The following MRE11 variants were observed in gnomAD, a reference collection of about 807,000 sequenced individuals.
The protein encoded by MRE11 is double-strand break repair protein MRE11.
Under a neutral mutation model 91.7 loss-of-function variants are expected in MRE11, and 62 were observed. That is an observed-to-expected ratio of 0.68 (90% CI 0.55 to 0.84). The LOEUF (loss-of-function observed/expected upper bound fraction) is 0.84. Ranked by LOEUF, MRE11 falls within the 40% of genes least tolerant of loss-of-function variation. The pLI, the probability that MRE11 is intolerant of heterozygous loss-of-function variation, is 0.00. For missense variants in MRE11, 796 were observed against 852.9 expected (o/e 0.93, Z 0.83); for synonymous variants, 273 against 271.4 (o/e 1.01, Z -0.06).
chr11:94,432,087 A>T (rs1945476470), intron 18 of MRE11, among the ~76,000 whole-genome samples: 1 of 152,170 alleles, frequency 6.6e-6, no homozygotes, highest in Non-Finnish European at 1.5e-5. Flanking sequence ...GTATCCCGAT[A>T]ATCTTCCAAT....
At chr11:94,454,298 T>A (rs1946193224) in intron 14 of MRE11, among the ~76,000 whole-genome samples, 1 of 152,026 alleles carries the variant, frequency 6.6e-6, no homozygotes, top group African/African-American at 2.4e-5. Flanking sequence ...GGTCTCAAAC[T>A]CCTGAGCTCA....
chr11:94,427,709 A>G (rs1033213501), intron 19 of MRE11, among the ~76,000 whole-genome samples: 2 of 151,620 alleles, frequency 1.3e-5, no homozygotes, highest in Non-Finnish European at 3.0e-5. Flanking sequence ...AAAAAAAAAA[A>G]GTGTACAAAA....
chr11:94,484,360 T>G (rs1416744841), intron 4 of MRE11, among the ~76,000 whole-genome samples: 1 of 152,216 alleles, frequency 6.6e-6, no homozygotes, highest in East Asian at 1.9e-4. Context: ...TTATAACTGT[T>G]GTAGGTAAGA....
At chr11:94,463,168 A>G (rs1445447069) in intron 11 of MRE11, among the ~76,000 whole-genome samples, 1 of 152,256 alleles carries the variant, frequency 6.6e-6, no homozygotes, top group Non-Finnish European at 1.5e-5. Context: ...CAGCCAACAG[A>G]CACATGAAAA....
intron 19 of MRE11, among the ~76,000 whole-genome samples, chr11:94,425,433 T>A (rs767793294): frequency 1.3e-5 from 2 of 152,146 alleles, no homozygotes; most frequent in Non-Finnish European, 2.9e-5. Flanking sequence ...ATAAAGCAAC[T>A]ACATAATCAA....
chr11:94,460,986 T>A lies in MRE11; in HGVS notation c.1276A>T (p.Thr426Ser). The stretch of plus-strand genomic sequence containing the variant: ...TTTACAAGATCTTCTACCCTTAAAG[T>A]TGTTCCTTCTGAAGGCTTTGTGATA... ...KLITKPSEGTTLRVEDLVKQY... is the reference protein window; with the variant it reads ...KLITKPSEGTSLRVEDLVKQY... Residue 426 changes from threonine (T) to serine (S), a missense_variant, in exon 12 of 20, where the codon ACT becomes TCT. By Grantham distance (58) the Thr-to-Ser change is moderately conservative. Coordinates refer to ENST00000323929, the MANE Select transcript of MRE11 (RefSeq NM_005591.4). 2 of 1,613,840 alleles carry A rather than the reference T, an allele frequency of 1.2e-6. No individual in the cohort carries two copies. Among genetic ancestry groups the A allele is most frequent in the Non-Finnish European group, 1.7e-6 (2 of 1,179,972 alleles).
At chr11:94,421,414 T>C (rs2134740931) in intron 19 of MRE11, among the ~76,000 whole-genome samples, 1 of 152,312 alleles carries the variant, frequency 6.6e-6, no homozygotes, top group East Asian at 1.9e-4. Context: ...TCTGCTGCTA[T>C]CAAAGACAAA....
chr11:94,490,670 A>T (rs1947260952), intron 3 of MRE11, among the ~76,000 whole-genome samples, 163 bp downstream of exon 3: 1 of 152,272 alleles, frequency 6.6e-6, no homozygotes, highest in Non-Finnish European at 1.5e-5. Flanking sequence ...TGAATTTAAG[A>T]CACAAAGCAT....
chr11:94,421,913 G>A (rs550713964), intron 19 of MRE11, among the ~76,000 whole-genome samples: 1 of 152,284 alleles, frequency 6.6e-6, no homozygotes, highest in East Asian at 1.9e-4. Context: ...AGGGGAAACA[G>A]AGACTTGTTA....
intron 19 of MRE11, among the ~76,000 whole-genome samples, chr11:94,428,512 T>C (rs753431801): frequency 2.6e-5 from 4 of 152,112 alleles, no homozygotes; most frequent in Non-Finnish European, 5.9e-5. Context: ...CAAAAGCAAC[T>C]GCAAGAAAAA....
chr11:94,489,434 C>A (rs1319798544), intron 3 of MRE11, among the ~76,000 whole-genome samples: 2 of 152,010 alleles, frequency 1.3e-5, no homozygotes, highest in Non-Finnish European at 2.9e-5. Flanking sequence ...AATGGAAGGA[C>A]ACTTGGAAAA....
chr11:94,483,784 A>C (rs1390431962), intron 4 of MRE11: 2 of 152,718 alleles, frequency 1.3e-5, no homozygotes, highest in East Asian at 3.8e-4. Flanking sequence ...TTGAGGCTGC[A>C]GTGAGCTATG....
chr11:94,500,383 C>T, the MRE11 span, among the ~76,000 whole-genome samples: 1 of 152,200 alleles, frequency 6.6e-6, no homozygotes, highest in African/African-American at 2.4e-5. Flanking sequence ...CCCCTGAGGG[C>T]AGAATTTGTA....
chr11:94,481,542 T>A lies in MRE11; in HGVS notation c.315-1781A>T, dbSNP rs145046581. 6.6e-5 allele frequency among the ~76,000 whole-genome samples: 10 copies of A among 152,358 alleles called. No individual in the cohort carries two copies. The East Asian group carries it at 1.9e-3, about 29-fold the overall frequency. The stretch of plus-strand genomic sequence containing the variant: ...AAATTTATTTTTGCAAAGACAAATG[T>A]ATGAATCTTTTATGACTTCTGGGTC... On this transcript the variant is annotated intron_variant, in intron 4 of 19. Transcript: ENST00000323929.
rs186549477 is a variant in MRE11 at position 94,474,343 on chromosome 11, G to A, written c.659+1946C>T. On this transcript the variant is annotated intron_variant, in intron 7 of 19. Coordinates refer to ENST00000323929, the MANE Select transcript of MRE11 (RefSeq NM_005591.4). ...TGGGAAGACATTGAAAGGACACAGA[G>A]GCCAACATAAAAGAGAATGCAATGG... 1.8e-3 allele frequency among the ~76,000 whole-genome samples: 281 copies of A among 152,156 alleles called. 1 individual carries two copies. Among genetic ancestry groups the A allele is most frequent in the African/African-American group, 6.6e-3 (274 of 41,524 alleles).
chr11:94,441,496 A>G (rs146931179), intron 16 of MRE11, among the ~76,000 whole-genome samples: 1 of 152,336 alleles, frequency 6.6e-6, no homozygotes, highest in African/African-American at 2.4e-5. Context: ...ATGGAAGGAA[A>G]TAAGTCACCA....
chr11:94,461,130 A>G, intron 11 of MRE11, 94 bp from the exon 12 acceptor site: 1 of 993,780 alleles, frequency 1.0e-6, no homozygotes, highest in Admixed American at 2.3e-5. Context: ...GGTAAGGCCA[A>G]ACTTTAGCAA....
chr11:94,505,627 T>TA, the MRE11 span, among the ~76,000 whole-genome samples: 1 of 152,196 alleles, frequency 6.6e-6, no homozygotes, highest in Non-Finnish European at 1.5e-5. Flanking sequence ...AAAGGTAATT[T>TA]ATTATTGAAG....
chr11:94,490,285 C>T (rs1002829345), intron 3 of MRE11, among the ~76,000 whole-genome samples: 7 of 152,174 alleles, frequency 4.6e-5, no homozygotes, highest in African/African-American at 1.7e-4. Flanking sequence ...GGTTTCCTCA[C>T]TCCTGCTTCA....
Sources: allele counts gnomAD v4.1 joint callset (sites outside exome capture counted in the v4.1 genomes callset), GRCh38; gene constraint gnomAD v4.1.1; transcripts MANE v1.5; gene names NCBI Gene and HGNC (gene_info 2026-07-23, HGNC 2026-07-21).